C11orf65: variants seen among roughly 807,000 people sequenced by gnomAD.
C11orf65 encodes protein MFI.
In C11orf65, 38 loss-of-function variants were observed where a neutral mutation model predicts 35.3. The observed-to-expected ratio is 1.08, with a 90% CI of 0.83 to 1.41. The LOEUF (loss-of-function observed/expected upper bound fraction) is 1.41, where lower values mean the gene tolerates loss of function less well. Ranked by LOEUF, C11orf65 falls within the 40% of genes most tolerant of loss-of-function variation. The pLI, the probability that C11orf65 is intolerant of heterozygous loss-of-function variation, is 0.00. For synonymous variants in C11orf65, 105 were observed against 114.4 expected (o/e 0.92, Z 0.53); for missense variants, 370 against 367.1 (o/e 1.01, Z -0.06).
downstream of C11orf65, chr11:108,330,208 T>C (rs574836628): frequency 6.2e-7 from 1 of 1,613,094 alleles, no homozygotes; most frequent in East Asian, 2.2e-5. Flanking sequence ...AATTATTCTA[T>C]GCAAGATACA....
rs76629177 is a variant in C11orf65, at chr11:108,394,420, T to C, written c.561-1042A>G. 2.0e-3 allele frequency among the ~76,000 whole-genome samples: 307 copies of C among 152,210 alleles called. 9 individuals are homozygous for C. The East Asian group carries it at 0.054, about 27-fold the overall frequency. Reference sequence around the variant, plus strand: ...TCTCAATTAATAATTTTAAAAATTTTTAAAGAAATTGTTCAAGATCATGTA... The same window carrying C: ...TCTCAATTAATAATTTTAAAAATTTCTAAAGAAATTGTTCAAGATCATGTA... On this transcript the variant is annotated intron_variant, in intron 6 of 8. Coordinates refer to ENST00000393084, the MANE Select transcript of C11orf65 (RefSeq NM_152587.5).
chr11:108,390,398 T>A (rs1451650201), intron 7 of C11orf65, among the ~76,000 whole-genome samples: 1 of 152,230 alleles, frequency 6.6e-6, no homozygotes, highest in Non-Finnish European at 1.5e-5. Flanking sequence ...GGGGAAAGTC[T>A]TATGTGGACC....
chr11:108,455,661 C>CAA (rs2093402370), intron 2 of C11orf65, among the ~76,000 whole-genome samples: 1 of 151,520 alleles, frequency 6.6e-6, no homozygotes, highest in Non-Finnish European at 1.5e-5. Context: ...ACTAAAAATA[C>CAA]AAAAATTAGT....
chr11:108,348,857 T>C (rs2088822894), intron 2 of C11orf65, among the ~76,000 whole-genome samples: 1 of 152,202 alleles, frequency 6.6e-6, no homozygotes, highest in Non-Finnish European at 1.5e-5. Context: ...AAAAGGTAGA[T>C]GCTAAGAATC....
chr11:108,330,195 C>T (rs2136449985), downstream of C11orf65: 2 of 1,609,252 alleles, frequency 1.2e-6, no homozygotes, highest in South Asian at 1.1e-5. Context: ...TGTGTTTTAC[C>T]TTAATTATTC....
chr11:108,447,703 C>A (rs2135589872), intron 2 of C11orf65, among the ~76,000 whole-genome samples: 1 of 151,916 alleles, frequency 6.6e-6, no homozygotes, highest in Non-Finnish European at 1.5e-5. Context: ...AAATTGACAC[C>A]CTAACATCAC....
intron 2 of C11orf65, among the ~76,000 whole-genome samples, chr11:108,447,070 C>T (rs1400601269): frequency 6.6e-6 from 1 of 152,136 alleles, no homozygotes; most frequent in Non-Finnish European, 1.5e-5. Context: ...ATCAATTCAA[C>T]AAGAAGAGCT....
At chr11:108,379,643 TAAA>T (rs569490492), downstream of C11orf65, among the ~76,000 whole-genome samples, 2 of 147,396 alleles carry the variant, frequency 1.4e-5, no homozygotes, top group African/African-American at 2.5e-5. Flanking sequence ...AAAATAAAAT[TAAA>T]AAAAAAAGGA....
At chr11:108,327,160 G>GTA (rs1233253790), downstream of C11orf65, among the ~76,000 whole-genome samples, 1 of 152,130 alleles carries the variant, frequency 6.6e-6, no homozygotes, top group East Asian at 1.9e-4. Flanking sequence ...GGCACTCATT[G>GTA]TATAGCATCT....
intron 1 of C11orf65, chr11:108,462,660 A>G (rs1043439590): frequency 4.6e-5 from 7 of 152,234 alleles, no homozygotes; most frequent in Admixed American, 2.6e-4. Flanking sequence ...TCAAATATAA[A>G]AGGAAAAAAA....
chr11:108,341,836 G>A (rs941292669), intron 2 of C11orf65, among the ~76,000 whole-genome samples: 1 of 152,190 alleles, frequency 6.6e-6, no homozygotes, highest in Non-Finnish European at 1.5e-5. Context: ...ACAATATTAA[G>A]TATTGCGAAA....
chr11:108,380,228 G>A (rs1354334250), downstream of C11orf65, among the ~76,000 whole-genome samples: 1 of 152,192 alleles, frequency 6.6e-6, no homozygotes, highest in African/African-American at 2.4e-5. Context: ...CTTAGGTATA[G>A]CCCTAAAGAA....
intron 6 of C11orf65, among the ~76,000 whole-genome samples, chr11:108,311,342 G>A (rs673281): frequency 0.62 from 94,196 of 151,948 alleles, 29,517 homozygotes; most frequent in Middle Eastern, 0.76. Flanking sequence ...GAAGTGGATC[G>A]GTAGGAAGCC....
At chr11:108,435,257 C>A (rs562819939) in intron 2 of C11orf65, among the ~76,000 whole-genome samples, 1 of 152,046 alleles carries the variant, frequency 6.6e-6, no homozygotes, top group East Asian at 1.9e-4. Flanking sequence ...AAAGTACATA[C>A]CAATGTTAAA....
At chr11:108,404,586 CTTT>C (rs71047693) in intron 6 of C11orf65, among the ~76,000 whole-genome samples, 3 of 136,834 alleles carry the variant, frequency 2.2e-5, no homozygotes, top group Admixed American at 1.5e-4. Flanking sequence ...TTTTTCTTTT[CTTT>C]TTTTTTTTTT....
At chr11:108,395,436 T>C (rs1324411697) in intron 6 of C11orf65, among the ~76,000 whole-genome samples, 1 of 151,508 alleles carries the variant, frequency 6.6e-6, no homozygotes, top group Non-Finnish European at 1.5e-5. Context: ...GCAATTCTCC[T>C]GCCCCAGCCT....
intron 8 of C11orf65, 51 bp downstream of exon 8, chr11:108,385,865 AATGT>A (rs1765769166): frequency 1.5e-6 from 2 of 1,360,596 alleles, no homozygotes; most frequent in Admixed American, 3.4e-5. Flanking sequence ...ACGTGTGTGG[AATGT>A]ATTTTTTGTT....
rs756899044 is a variant in C11orf65, at chr11:108,353,831, G to T, written c.227-18539C>A. The T allele has an allele frequency of 1.1e-5, 17 of 1,614,094 alleles. No individual in the cohort carries two copies. The highest frequency in any genetic ancestry group is 1.4e-5 in the Non-Finnish European group (17 of 1,180,000). On this transcript the variant is annotated intron_variant, in intron 2 of 3. Transcript: ENST00000524755. ...GACAGTTCCTTTTAGACTCACCAGA[G>T]ATATTGTGGATGGCATGGGCATTAC...
At chr11:108,370,612 G>GTTTTTTTTTTTTTTTTTTTTTTTTTTTT (rs199864432) in intron 2 of C11orf65, among the ~76,000 whole-genome samples, 1 of 147,280 alleles carries the variant, frequency 6.8e-6, no homozygotes. Context: ...TTGCTGCAGG[G>GTTTTTTTTTTTTTTTTTTTTTTTTTTTT]TTTTGTTTTG....
Sources: gnomAD v4.1 joint callset for allele counts (sites outside exome capture counted in the v4.1 genomes callset) on GRCh38, gnomAD v4.1.1 for gene constraint, MANE v1.5 for transcripts, NCBI Gene and HGNC (gene_info 2026-07-23, HGNC 2026-07-21) for gene names.